VTI1A: variants seen among roughly 807,000 people sequenced by gnomAD.
VTI1A encodes the protein vesicle transport through interaction with t-SNAREs 1A, also known as vesicle transport through interaction with t-SNAREs homolog 1A.
Under a neutral mutation model 34.9 loss-of-function variants are expected in VTI1A, and 22 were observed. That is an observed-to-expected ratio of 0.63 (90% CI 0.45 to 0.90). VTI1A has a LOEUF of 0.90. Ranked by LOEUF, VTI1A falls within the 40% of genes least tolerant of loss-of-function variation. The probability of loss-of-function intolerance (pLI) is 0.00; values close to 1 mark genes in which losing one functional copy is unlikely to be tolerated. For missense variants in VTI1A, 268 were observed against 275.6 expected, an observed-to-expected ratio of 0.97 and a Z score of 0.20; for synonymous variants, 87 against 97.3, an observed-to-expected ratio of 0.89 and a Z score of 0.62.
intron 5 of VTI1A, among the ~76,000 whole-genome samples, chr10:112,635,934 T>A (rs776267588): frequency 6.6e-5 from 10 of 152,172 alleles, no homozygotes; most frequent in Non-Finnish European, 1.3e-4. Flanking sequence ...CTTGGAATAG[T>A]TTTTAACAGA....
chr10:112,531,519 C>A (rs931019348), intron 4 of VTI1A, among the ~76,000 whole-genome samples: 1 of 150,988 alleles, frequency 6.6e-6, no homozygotes, highest in Non-Finnish European at 1.5e-5. Context: ...AGATGAAAAA[C>A]CCTCCCATTA....
intron 7 of VTI1A, among the ~76,000 whole-genome samples, chr10:112,681,458 A>G (rs1011001284): frequency 1.3e-5 from 2 of 152,216 alleles, no homozygotes; most frequent in East Asian, 3.8e-4. Flanking sequence ...CTGTTTTTGT[A>G]TGGCCTGCAG....
chr10:112,536,896 C>T (rs1385984134), intron 4 of VTI1A, among the ~76,000 whole-genome samples: 2 of 152,044 alleles, frequency 1.3e-5, no homozygotes, highest in Non-Finnish European at 1.5e-5. Flanking sequence ...ATACTAATCA[C>T]TTCCTTTCTT....
intron 3 of VTI1A, among the ~76,000 whole-genome samples, chr10:112,526,299 A>G (rs1267109193): frequency 6.6e-6 from 1 of 152,178 alleles, no homozygotes; most frequent in Non-Finnish European, 1.5e-5. Flanking sequence ...ACACATTTTC[A>G]GGGTGTGAAA....
At chr10:112,517,608 G>A (rs1309934713) in intron 3 of VTI1A, among the ~76,000 whole-genome samples, 1 of 152,056 alleles carries the variant, frequency 6.6e-6, no homozygotes, top group East Asian at 1.9e-4. Flanking sequence ...ATCAAGGTCA[G>A]CATCAACAGT....
rs534969795 is a variant in VTI1A at position 112,736,735 on chromosome 10, GA to G, written c.560+67743del. 7.7e-6 allele frequency: 12 copies of G among 1,551,578 alleles called. No individual in the cohort carries two copies. In the South Asian group the frequency reaches 1.1e-4, roughly 14 times the overall value. On this transcript the variant is annotated intron_variant, in intron 7 of 7. Coordinates refer to ENST00000393077, the MANE Select transcript of VTI1A (RefSeq NM_145206.4). ...TCACTGTTCACAGGGGTTGTTCTGTGAAAAAACAATGTAACCTGTCTCTGGC... is the reference window on the plus strand; with the variant it reads ...TCACTGTTCACAGGGGTTGTTCTGTGAAAAACAATGTAACCTGTCTCTGGC...
chr10:112,841,023 T>C, the VTI1A span, among the ~76,000 whole-genome samples: 8 of 152,152 alleles, frequency 5.3e-5, no homozygotes, highest in African/African-American at 1.9e-4. Flanking sequence ...GGTGATAATG[T>C]GCGGCCATCT....
intron 3 of VTI1A, among the ~76,000 whole-genome samples, chr10:112,520,198 T>G (rs1021609315): frequency 4.6e-5 from 7 of 152,064 alleles, no homozygotes; most frequent in African/African-American, 1.7e-4. Context: ...ACTGCATACT[T>G]ACACTATTCC....
rs567523885 is a variant in VTI1A, at chr10:112,590,926, T to C, written c.427+52596T>C. ...GACCAGCCTGGCAAACATGGCAAAATCCTGTCTGTACAAAACATACAAAAA... is the reference window on the plus strand; with the variant it reads ...GACCAGCCTGGCAAACATGGCAAAACCCTGTCTGTACAAAACATACAAAAA... On this transcript the variant is annotated intron_variant, in intron 5 of 7. Coordinates refer to ENST00000393077, the MANE Select transcript of VTI1A (RefSeq NM_145206.4). 5.9e-4 allele frequency among the ~76,000 whole-genome samples: 89 copies of C among 150,804 alleles called. No individual in the cohort carries two copies. The South Asian group carries it at 0.012, about 21-fold the overall frequency.
chr10:112,549,068 G>A (rs866666500), intron 5 of VTI1A, among the ~76,000 whole-genome samples: 8 of 152,100 alleles, frequency 5.3e-5, no homozygotes, highest in Middle Eastern at 3.4e-3. Flanking sequence ...AGATACCAGC[G>A]CTTACATCTG....
At chr10:112,757,720 G>A (rs1211438294) in intron 7 of VTI1A, among the ~76,000 whole-genome samples, 2 of 152,020 alleles carry the variant, frequency 1.3e-5, no homozygotes, top group Admixed American at 6.6e-5. Context: ...TTTTTAATAT[G>A]ACAGTAATAT....
rs565000416 is a variant in VTI1A at position 112,744,080 on chromosome 10, A to G, written c.561-71210A>G. On this transcript the variant is annotated intron_variant, in intron 7 of 7. Coordinates refer to ENST00000393077, the MANE Select transcript of VTI1A (RefSeq NM_145206.4). ...TTTTAATATTCCAGATATTTGAACC[A>G]TAAGAAATTGCCAGTATTCACTTGT... Among the ~76,000 whole-genome samples, 16 of 152,344 alleles carry G rather than the reference A, an allele frequency of 1.1e-4. No homozygotes were observed. The East Asian group carries it at 2.9e-3, about 28-fold the overall frequency.
At chr10:112,499,149 ACTT>A (rs1339869892) in intron 3 of VTI1A, among the ~76,000 whole-genome samples, 3 of 152,096 alleles carry the variant, frequency 2.0e-5, no homozygotes, top group Admixed American at 6.5e-5. Flanking sequence ...AGAGTATTTA[ACTT>A]CTTTTTACAT....
At chr10:112,735,171 C>T (rs1024555535) in intron 7 of VTI1A, among the ~76,000 whole-genome samples, 2 of 152,124 alleles carry the variant, frequency 1.3e-5, no homozygotes, top group African/African-American at 4.8e-5. Context: ...TTCTTCATTA[C>T]AAATCTCAAG....
intron 7 of VTI1A, among the ~76,000 whole-genome samples, chr10:112,812,213 T>G (rs1474260895): frequency 6.6e-6 from 1 of 152,222 alleles, no homozygotes; most frequent in Non-Finnish European, 1.5e-5. Context: ...TTCTTTCAAG[T>G]GTATATTCTT....
At chr10:112,571,410 T>C (rs146983352) in intron 5 of VTI1A, among the ~76,000 whole-genome samples, 25 of 152,284 alleles carry the variant, frequency 1.6e-4, no homozygotes, top group African/African-American at 5.3e-4. Context: ...AAAACATGCA[T>C]TATAAGATAG....
rs530713693 is a variant in VTI1A, at chr10:112,616,857, A to G, written c.428-51361A>G. ...AAATATATCTGAAGAAATTTTGCAGAATGCAACAGAGAGAGAAAATAAAAT... is the reference window on the plus strand; with the variant it reads ...AAATATATCTGAAGAAATTTTGCAGGATGCAACAGAGAGAGAAAATAAAAT... On this transcript the variant is annotated intron_variant, in intron 5 of 7. Transcript: ENST00000393077. 9.8e-5 allele frequency among the ~76,000 whole-genome samples: 15 copies of G among 152,334 alleles called. No homozygotes were observed. In the South Asian group the frequency reaches 3.1e-3, roughly 32 times the overall value.
chr10:112,681,585 A>G (rs1590063473), intron 7 of VTI1A, among the ~76,000 whole-genome samples: 1 of 152,242 alleles, frequency 6.6e-6, no homozygotes, highest in East Asian at 1.9e-4. Flanking sequence ...TAAAATTTTA[A>G]GTAAGGCTTG....
At chr10:112,685,577 A>G (rs1261483460) in intron 7 of VTI1A, among the ~76,000 whole-genome samples, 1 of 152,156 alleles carries the variant, frequency 6.6e-6, no homozygotes, top group Non-Finnish European at 1.5e-5. Flanking sequence ...AAGGACACCA[A>G]AGTATTTTCA....
Sources: allele counts gnomAD v4.1 joint callset (sites outside exome capture counted in the v4.1 genomes callset), GRCh38; gene constraint gnomAD v4.1.1; transcripts MANE v1.5; gene names NCBI Gene and HGNC (gene_info 2026-07-23, HGNC 2026-07-21).